Variants in DPP10 observed in about 807,000 individuals in gnomAD.
The protein encoded by DPP10 is dipeptidyl peptidase like 10.
In DPP10, 33 loss-of-function variants were observed where a neutral mutation model predicts 120.9. That is an observed-to-expected ratio of 0.27 (90% CI 0.21 to 0.37). The LOEUF (loss-of-function observed/expected upper bound fraction) is 0.37. DPP10 is among the 10% of genes least tolerant of loss of function. The pLI is 1.00. For synonymous variants in DPP10, 337 were observed against 326.1 expected, an observed-to-expected ratio of 1.03 and a Z score of -0.36; for missense variants, 816 against 942.8, an observed-to-expected ratio of 0.87 and a Z score of 1.76.
chr2:115,493,313 TA>T lies in DPP10; in HGVS notation c.272-6194del, dbSNP rs377226590. On this transcript the variant is annotated intron_variant, in intron 3 of 25. Transcript: ENST00000410059. ...TGTAACCAACAGGATGGTATGTATG[TA>T]AATGGAATTTTGAGGGAGAGTAGAG... Among the ~76,000 whole-genome samples, 190 of 152,172 alleles carry T rather than the reference TA, an allele frequency of 1.2e-3. 1 individual carries two copies. The highest frequency in any genetic ancestry group is 0.01 in the Middle Eastern group (3 of 294).
intron 5 of DPP10, among the ~76,000 whole-genome samples, chr2:115,646,571 T>A (rs1425962033): frequency 6.6e-6 from 1 of 152,166 alleles, no homozygotes; most frequent in Non-Finnish European, 1.5e-5. Flanking sequence ...TTTAGTTATT[T>A]CCTTAAGCCA....
At chr2:115,228,925 C>T (rs189919887) in intron 1 of DPP10, among the ~76,000 whole-genome samples, 2 of 152,178 alleles carry the variant, frequency 1.3e-5, no homozygotes, top group Admixed American at 1.3e-4. Flanking sequence ...TATAATAGCT[C>T]TATTTTTAGT....
chr2:114,480,181 G>A (rs1680895934), intron 1 of DPP10, among the ~76,000 whole-genome samples: 1 of 151,402 alleles, frequency 6.6e-6, no homozygotes, highest in Non-Finnish European at 1.5e-5. Flanking sequence ...AGTTAGAATG[G>A]CAATCATTAA....
intron 5 of DPP10, among the ~76,000 whole-genome samples, chr2:115,539,299 G>C (rs887439737): frequency 6.6e-6 from 1 of 151,962 alleles, no homozygotes; most frequent in Admixed American, 6.6e-5. Context: ...AAAGAAGTTA[G>C]ATATATTTCT....
At chr2:115,197,130 AC>A (rs1474411636) in intron 1 of DPP10, among the ~76,000 whole-genome samples, 1 of 152,166 alleles carries the variant, frequency 6.6e-6, no homozygotes, top group Non-Finnish European at 1.5e-5. Flanking sequence ...GGGGTGGCTC[AC>A]GCCTATAATC....
intron 1 of DPP10, among the ~76,000 whole-genome samples, chr2:114,906,620 G>T (rs896284629): frequency 1.3e-5 from 2 of 151,998 alleles, no homozygotes; most frequent in Non-Finnish European, 2.9e-5. Context: ...TGACCATGAG[G>T]TTATTGTTCT....
At chr2:114,663,664 TATATAGAGAGAGAG>T (rs1697647010) in intron 1 of DPP10, among the ~76,000 whole-genome samples, 1 of 95,464 alleles carries the variant, frequency 1.0e-5, no homozygotes, top group Non-Finnish European at 1.8e-5. Flanking sequence ...TATATATATA[TATATAGAGAGAGAG>T]AGAGAGAGAG....
intron 1 of DPP10, among the ~76,000 whole-genome samples, chr2:114,691,846 C>T (rs987627498): frequency 3.3e-5 from 5 of 151,920 alleles, no homozygotes; most frequent in South Asian, 2.1e-4. Context: ...TCTACCTATT[C>T]TAGATTTTCT....
chr2:115,336,599 C>G (rs201808259), intron 2 of DPP10, among the ~76,000 whole-genome samples: 2 of 145,786 alleles, frequency 1.4e-5, no homozygotes, highest in African/African-American at 5.0e-5. Flanking sequence ...CTCTCTCTCT[C>G]TATATATATA....
At chr2:114,530,440 C>T (rs758204897) in intron 1 of DPP10, among the ~76,000 whole-genome samples, 14 of 152,226 alleles carry the variant, frequency 9.2e-5, no homozygotes, top group Middle Eastern at 3.4e-3. Flanking sequence ...TGATTATTAT[C>T]GAAATATCTG....
At position 115,329,952 on chromosome 2, in the gene DPP10, C is replaced by T. The variant is rs540170928; in HGVS notation, c.176-13865C>T. On this transcript the variant is annotated intron_variant, in intron 2 of 25. Coordinates refer to ENST00000410059, the MANE Select transcript of DPP10 (RefSeq NM_020868.6). The stretch of plus-strand genomic sequence containing the variant: ...ATTTATAATCCTTTGGGTATGTACC[C>T]AGTAATGGGATCACTGGGTCAAATG... Among the ~76,000 whole-genome samples the T allele has an allele frequency of 7.2e-5, 11 of 152,212 alleles. No homozygotes were observed. The South Asian group carries it at 2.1e-3, about 29-fold the overall frequency.
chr2:115,813,028 G>A (rs1359616269), intron 19 of DPP10, among the ~76,000 whole-genome samples: 4 of 129,132 alleles, frequency 3.1e-5, no homozygotes, highest in Non-Finnish European at 3.1e-5. Context: ...AGGCCGGACT[G>A]CGGACTGCAG....
intron 3 of DPP10, among the ~76,000 whole-genome samples, chr2:115,454,171 C>G (rs1349467778): frequency 6.6e-6 from 1 of 151,486 alleles, no homozygotes; most frequent in Non-Finnish European, 1.5e-5. Context: ...ATCTTTCCTA[C>G]TGGTACCAGT....
chr2:115,174,585 A>C (rs1049583618), intron 1 of DPP10, among the ~76,000 whole-genome samples: 2 of 152,252 alleles, frequency 1.3e-5, no homozygotes, highest in Non-Finnish European at 2.9e-5. Context: ...AAATAGTAAG[A>C]GAAAATAGGG....
intron 1 of DPP10, among the ~76,000 whole-genome samples, chr2:114,642,577 C>T (rs1347724266): frequency 6.6e-6 from 1 of 151,856 alleles, no homozygotes; most frequent in African/African-American, 2.4e-5. Flanking sequence ...GCTGTATGTG[C>T]CCCCAGGCCA....
chr2:114,827,086 G>A (rs1446122170), intron 1 of DPP10, among the ~76,000 whole-genome samples: 1 of 151,908 alleles, frequency 6.6e-6, no homozygotes, highest in Non-Finnish European at 1.5e-5. Context: ...TCAGGAGGGG[G>A]CGATTTCTCA....
chr2:115,448,079 G>A lies in DPP10; in HGVS notation c.272-51431G>A, dbSNP rs144143327. ...GACAGAAGGAGAAGATCCACCCTGT[G>A]TGGGGAACAATGAGAACAGGTCTGA... On this transcript the variant is annotated intron_variant, in intron 3 of 25. Coordinates refer to ENST00000410059, the MANE Select transcript of DPP10 (RefSeq NM_020868.6). 5.7e-3 allele frequency among the ~76,000 whole-genome samples: 874 copies of A among 152,320 alleles called. 8 individuals carry two copies. The highest frequency in any genetic ancestry group is 0.02 in the Middle Eastern group (6 of 294).
At chr2:114,959,860 T>C (rs1207229652) in intron 1 of DPP10, among the ~76,000 whole-genome samples, 1 of 152,232 alleles carries the variant, frequency 6.6e-6, no homozygotes, top group African/African-American at 2.4e-5. Context: ...GGCCATTCAT[T>C]TATCTTTGTT....
At chr2:114,792,407 AT>A (rs1683334165) in intron 1 of DPP10, among the ~76,000 whole-genome samples, 1 of 152,178 alleles carries the variant, frequency 6.6e-6, no homozygotes, top group Non-Finnish European at 1.5e-5. Context: ...TCTTTCTAGG[AT>A]TTTTCATCTC....
Sources: gnomAD v4.1 joint callset for allele counts (sites outside exome capture counted in the v4.1 genomes callset) on GRCh38, gnomAD v4.1.1 for gene constraint, MANE v1.5 for transcripts, NCBI Gene and HGNC (gene_info 2026-07-23, HGNC 2026-07-21) for gene names.